Variants in ATF7IP observed in about 807,000 individuals in gnomAD.
ATF7IP encodes the protein activating transcription factor 7-interacting protein 1.
In ATF7IP, 23 loss-of-function variants were observed where a neutral mutation model predicts 106.4. The observed-to-expected ratio is 0.22, with a 90% CI of 0.16 to 0.31. ATF7IP has a LOEUF of 0.31. Among genes scored for constraint, ATF7IP ranks in the 10% least tolerant of loss-of-function variants. ATF7IP has a pLI of 1.00. For synonymous variants in ATF7IP, 542 were observed against 539.0 expected (o/e 1.01, Z -0.08); for missense variants, 1,334 against 1,524.3 (o/e 0.88, Z 2.08).
chr12:14,377,221 C>G (rs1283384702), intron 1 of ATF7IP, among the ~76,000 whole-genome samples: 2 of 151,980 alleles, frequency 1.3e-5, no homozygotes, highest in Admixed American at 6.6e-5. Flanking sequence ...TCTCGAACTC[C>G]TGAGCTCAAG....
chr12:14,411,511 A>G lies in ATF7IP; in HGVS notation c.-7-12398A>G, dbSNP rs536016618. Among the ~76,000 whole-genome samples, 4 of 152,228 alleles carry G rather than the reference A, an allele frequency of 2.6e-5. No homozygotes were observed. The South Asian group carries it at 8.3e-4, about 32-fold the overall frequency. On this transcript the variant is annotated intron_variant, in intron 1 of 14. Coordinates refer to ENST00000261168, the MANE Select transcript of ATF7IP (RefSeq NM_018179.5). ...TGTAACAAAACTGCACATTCTGCAC[A>G]TGTACCCCAGAACTTAAAGTATAAT...
In ATF7IP at chr12:14,456,620, TAAC is replaced by T. The variant is rs1943434978; in HGVS notation, c.2057_2059del (p.Asn686del). On this transcript the variant is annotated inframe_deletion, in exon 7 of 15. Transcript: ENST00000261168. ...CTGTAAATGATGTCAACAGCAATAA[TAAC>T]ATGTCTTACAGGTGAGAATTCATAG... 2.5e-6 allele frequency: 4 copies of T among 1,608,970 alleles called. No homozygotes were observed. In the South Asian group the frequency reaches 4.4e-5, roughly 18 times the overall value.
At chr12:14,376,797 C>T (rs949145169) in intron 1 of ATF7IP, among the ~76,000 whole-genome samples, 1 of 152,016 alleles carries the variant, frequency 6.6e-6, no homozygotes, top group Non-Finnish European at 1.5e-5. Flanking sequence ...GGCATGATTT[C>T]TATATTTAAG....
chr12:14,423,235 T>C (rs1161097078), intron 1 of ATF7IP, among the ~76,000 whole-genome samples: 1 of 152,178 alleles, frequency 6.6e-6, no homozygotes, highest in African/African-American at 2.4e-5. Flanking sequence ...TGATTTATTA[T>C]TGAATTATAG....
chr12:14,448,863 C>T (rs960579672), intron 6 of ATF7IP, among the ~76,000 whole-genome samples: 3 of 152,010 alleles, frequency 2.0e-5, no homozygotes, highest in African/African-American at 7.2e-5. Context: ...GTATGTGATA[C>T]CTCATTGTAG....
chr12:14,494,787 G>A lies in ATF7IP; in HGVS notation c.3281-1444G>A, dbSNP rs536093026. Among the ~76,000 whole-genome samples, 35 of 151,666 alleles carry A rather than the reference G, an allele frequency of 2.3e-4. 1 individual carries two copies. The highest frequency in any genetic ancestry group is 8.2e-4 in the African/African-American group (34 of 41,408). ...ATCCCTACCAAAAATACAAAAATTG[G>A]CTGGGTGTGGTGGCACAAGCCTGTA... On this transcript the variant is annotated intron_variant, in intron 13 of 14. Coordinates refer to ENST00000261168, the MANE Select transcript of ATF7IP (RefSeq NM_018179.5).
intron 1 of ATF7IP, among the ~76,000 whole-genome samples, chr12:14,391,244 A>G (rs1181018567): frequency 6.6e-6 from 1 of 152,228 alleles, no homozygotes; most frequent in Non-Finnish European, 1.5e-5. Flanking sequence ...TGATTTAGCA[A>G]ATCTTCATCA....
At chr12:14,485,272 G>A (rs1944562280) in intron 13 of ATF7IP, among the ~76,000 whole-genome samples, 2 of 151,874 alleles carry the variant, frequency 1.3e-5, no homozygotes, top group Admixed American at 6.6e-5. Flanking sequence ...ACCCACATGA[G>A]GAATGTGTTG....
chr12:14,458,134 A>G (rs1210689544), intron 8 of ATF7IP, among the ~76,000 whole-genome samples: 1 of 151,892 alleles, frequency 6.6e-6, no homozygotes, highest in Non-Finnish European at 1.5e-5. Context: ...AAAAATAGAT[A>G]AAGTAATAGT....
chr12:14,371,686 A>G (rs1938537432), intron 1 of ATF7IP, among the ~76,000 whole-genome samples: 1 of 152,112 alleles, frequency 6.6e-6, no homozygotes, highest in Admixed American at 6.5e-5. Context: ...CCAGAGCTGA[A>G]TCAGTAGTTA....
intron 1 of ATF7IP, among the ~76,000 whole-genome samples, chr12:14,409,704 C>T (rs1487192866): frequency 6.6e-6 from 1 of 152,030 alleles, no homozygotes; most frequent in Non-Finnish European, 1.5e-5. Flanking sequence ...AACAAGGCTG[C>T]TGCTATTTTA....
At chr12:14,490,796 G>A (rs1228373711) in intron 13 of ATF7IP, among the ~76,000 whole-genome samples, 3 of 152,194 alleles carry the variant, frequency 2.0e-5, no homozygotes, top group Admixed American at 6.5e-5. Flanking sequence ...GCACCTGCTC[G>A]AACCCAATCA....
intron 1 of ATF7IP, among the ~76,000 whole-genome samples, chr12:14,409,563 T>C (rs1023098365): frequency 6.6e-6 from 1 of 152,134 alleles, no homozygotes; most frequent in African/African-American, 2.4e-5. Context: ...TTGTTTTTTG[T>C]TTTTAAATAT....
chr12:14,482,713 C>A (rs948807137), intron 13 of ATF7IP: 2 of 152,240 alleles, frequency 1.3e-5, no homozygotes, highest in African/African-American at 4.8e-5. Context: ...CACCCAGGAT[C>A]ACTATTTTGT....
intron 1 of ATF7IP, among the ~76,000 whole-genome samples, chr12:14,389,128 G>A (rs887810172): frequency 2.0e-5 from 3 of 152,006 alleles, no homozygotes; most frequent in African/African-American, 4.8e-5. Context: ...TTTGCCTCTC[G>A]AGTGTCATAT....
chr12:14,491,518 GATCA>G (rs1482324280), intron 13 of ATF7IP, among the ~76,000 whole-genome samples: 1 of 152,148 alleles, frequency 6.6e-6, no homozygotes, highest in Non-Finnish European at 1.5e-5. Context: ...TTGCTCACTT[GATCA>G]ATCAGAATAA....
intron 9 of ATF7IP, among the ~76,000 whole-genome samples, chr12:14,463,916 A>T (rs886847320): frequency 6.6e-6 from 1 of 152,172 alleles, no homozygotes; most frequent in African/African-American, 2.4e-5. Flanking sequence ...CCATTTACTA[A>T]ACTAGATATT....
chr12:14,453,032 C>G (rs900334167), intron 6 of ATF7IP, among the ~76,000 whole-genome samples: 1 of 152,118 alleles, frequency 6.6e-6, no homozygotes, highest in Non-Finnish European at 1.5e-5. Context: ...TATTATCTCA[C>G]TCCTTCAGGC....
Position 14,461,091 on chromosome 12 carries a change from T to A in ATF7IP, c.2755T>A (p.Ser919Thr). 6.2e-7 allele frequency: 1 copy of A among 1,614,144 alleles called. No homozygotes were observed. The highest frequency in any genetic ancestry group is 8.5e-7 in the Non-Finnish European group (1 of 1,179,986). ...MKIPISAFSTSSAAEQNSNTT... is the reference protein window; with the variant it reads ...MKIPISAFSTTSAAEQNSNTT... The stretch of plus-strand genomic sequence containing the variant: ...AATTCCAATTTCTGCATTTAGTACT[T>A]CGTCTGCTGCAGAACAGAACAGCAA... The change falls in exon 9 of 15, where the codon TCG becomes ACG. Residue 919 changes from serine (S) to threonine (T), a missense_variant. Coordinates refer to ENST00000261168, the MANE Select transcript of ATF7IP (RefSeq NM_018179.5).
Sources: allele counts gnomAD v4.1 joint callset (sites outside exome capture counted in the v4.1 genomes callset), GRCh38; gene constraint gnomAD v4.1.1; transcripts MANE v1.5; gene names NCBI Gene and HGNC (gene_info 2026-07-23, HGNC 2026-07-21).